CHRDL1: variants seen among roughly 807,000 people sequenced by gnomAD.
CHRDL1 encodes chordin like 1, also known as chordin-like protein 1.
Under a neutral mutation model 40.9 loss-of-function variants are expected in CHRDL1, and 19 were observed. That is an observed-to-expected ratio of 0.46 (90% CI 0.32 to 0.68). The LOEUF (loss-of-function observed/expected upper bound fraction) is 0.68, where lower values mean the gene tolerates loss of function less well. Among genes scored for constraint, CHRDL1 ranks in the 30% least tolerant of loss-of-function variants. The probability of loss-of-function intolerance (pLI) is 0.03; values close to 1 mark genes in which losing one functional copy is unlikely to be tolerated. For missense variants in CHRDL1, 329 were observed against 352.1 expected, an observed-to-expected ratio of 0.93 and a Z score of 0.53; for synonymous variants, 136 against 123.4, an observed-to-expected ratio of 1.10 and a Z score of -0.68.
At chrX:110,739,088 C>A (rs1328008930) in intron 4 of CHRDL1, among the ~76,000 whole-genome samples, 9 of 111,924 alleles carry the variant, frequency 8.0e-5, no homozygotes, top group Non-Finnish European at 1.5e-4. Flanking sequence ...TAAGGACTGG[C>A]AAAATTGCAT....
At chrX:110,791,516 T>G (rs2090099946) in intron 2 of CHRDL1, among the ~76,000 whole-genome samples, 1 of 111,879 alleles carries the variant, frequency 8.9e-6, no homozygotes, top group Non-Finnish European at 1.9e-5. Flanking sequence ...AAATATTCCC[T>G]GGCTTTGCGG....
intron 6 of CHRDL1, among the ~76,000 whole-genome samples, chrX:110,705,173 T>C (rs773914507): frequency 5.6e-5 from 6 of 106,627 alleles, no homozygotes; most frequent in South Asian, 8.4e-4. Context: ...AGAATACTAA[T>C]ACCCTGTAAC....
chrX:110,791,682 CT>C (rs369324180), intron 2 of CHRDL1, among the ~76,000 whole-genome samples: 2 of 110,766 alleles, frequency 1.8e-5, no homozygotes, highest in African/African-American at 6.6e-5. Flanking sequence ...TTTTCTTTTT[CT>C]TTTTTTTTCT....
chrX:110,686,002 A>G (rs1319441769), intron 9 of CHRDL1, among the ~76,000 whole-genome samples: 2 of 105,847 alleles, frequency 1.9e-5, no homozygotes, highest in African/African-American at 7.0e-5. Context: ...CTCTCACTTC[A>G]GCCCTCAGCC....
intron 4 of CHRDL1, among the ~76,000 whole-genome samples, chrX:110,751,224 T>C (rs1345515962): frequency 8.9e-6 from 1 of 111,798 alleles, no homozygotes; most frequent in Non-Finnish European, 1.9e-5. Flanking sequence ...AGTACTAGTT[T>C]AGGGTCTTGT....
chrX:110,689,933 ATATATATC>A lies in CHRDL1; in HGVS notation c.779-1138_779-1131del, dbSNP rs1231750269. Among the ~76,000 whole-genome samples, 198 of 38,169 alleles carry A rather than the reference ATATATATC, an allele frequency of 5.2e-3. 16 individuals are homozygous for A. Among genetic ancestry groups the A allele is most frequent in the African/African-American group, 0.02 (97 of 4,815 alleles). 33.1% of individuals were successfully genotyped at this position (38,169 alleles called of 115,157 possible). On this transcript the variant is annotated intron_variant, in intron 8 of 11. Transcript: ENST00000372042. ...TATATCTATATATATCTATATATCTATATATATCTATATATCTATATATATCTATATAT... is the reference window on the plus strand; with the variant it reads ...TATATCTATATATATCTATATATCTATATATATCTATATATATCTATATAT...
At chrX:110,795,641 G>A (rs1244219778) in intron 1 of CHRDL1, 103 bp downstream of exon 1, 3 of 112,120 alleles carry the variant, frequency 2.7e-5, no homozygotes, top group Non-Finnish European at 3.8e-5. Flanking sequence ...GGGGCACCCT[G>A]GGGAAACTTC....
chrX:110,729,222 AGAC>A (rs774281266), intron 4 of CHRDL1, among the ~76,000 whole-genome samples: 8 of 112,279 alleles, frequency 7.1e-5, no homozygotes, highest in African/African-American at 2.6e-4. Flanking sequence ...ATGTGGATTC[AGAC>A]GACATTTTCC....
At chrX:110,731,215 A>G (rs1679852) in intron 4 of CHRDL1, among the ~76,000 whole-genome samples, 12,383 of 111,124 alleles carry the variant, frequency 0.11, 1,707 homozygotes, top group African/African-American at 0.39. Context: ...AGTGATGAAT[A>G]CACAAGACTG....
At chrX:110,735,725 C>T (rs751670045) in intron 4 of CHRDL1, among the ~76,000 whole-genome samples, 23 of 112,367 alleles carry the variant, frequency 2.0e-4, no homozygotes, top group African/African-American at 6.5e-4. Context: ...CCTGGAGACA[C>T]AAAGAAGTCA....
intron 4 of CHRDL1, among the ~76,000 whole-genome samples, chrX:110,752,656 T>C (rs2089380118): frequency 9.0e-6 from 1 of 111,100 alleles, no homozygotes; most frequent in African/African-American, 3.3e-5. Context: ...CATATATATA[T>C]ATATGTAATT....
chrX:110,676,646 C>A lies in CHRDL1; in HGVS notation c.1247-285G>T, dbSNP rs56770900. Among the ~76,000 whole-genome samples, 63 of 111,183 alleles carry A rather than the reference C, an allele frequency of 5.7e-4. No individual in the cohort carries two copies. In the Admixed American group the frequency reaches 6.0e-3, roughly 11 times the overall value. ...TCAAGAGCAAAACCTAAGTGTTATT[C>A]TTGGAATTTTTACAGTATATTTAGC... On this transcript the variant is annotated intron_variant, in intron 11 of 11. Coordinates refer to ENST00000372042, the MANE Select transcript of CHRDL1 (RefSeq NM_001143981.2).
chrX:110,702,506 CTAA>C (rs1200820609), intron 6 of CHRDL1, among the ~76,000 whole-genome samples: 1 of 111,718 alleles, frequency 9.0e-6, no homozygotes, highest in Non-Finnish European at 1.9e-5. Context: ...CATTCAGAGT[CTAA>C]TAATGAGTTT....
intron 4 of CHRDL1, among the ~76,000 whole-genome samples, chrX:110,744,660 A>G (rs1480975582): frequency 9.0e-6 from 1 of 111,272 alleles, no homozygotes; most frequent in African/African-American, 3.3e-5. Flanking sequence ...ACATGCTGAA[A>G]AATTATATTA....
chrX:110,728,952 T>G (rs780734270), intron 4 of CHRDL1, among the ~76,000 whole-genome samples: 1 of 111,815 alleles, frequency 8.9e-6, no homozygotes. Flanking sequence ...CTAGTCAACA[T>G]GGTGAAACCC....
At chrX:110,723,653 A>C (rs912882578) in intron 4 of CHRDL1, among the ~76,000 whole-genome samples, 3 of 111,834 alleles carry the variant, frequency 2.7e-5, no homozygotes, top group Non-Finnish European at 3.8e-5. Context: ...TAAGGAAGGG[A>C]CCATTTAATT....
In CHRDL1 at chrX:110,674,047, T is replaced by A. The variant is rs2069722433; in HGVS notation, c.*2184A>T. The A allele has an allele frequency of 8.9e-6, 1 of 111,944 alleles. No individual in the cohort carries two copies. Among genetic ancestry groups the A allele is most frequent in the African/African-American group, 3.2e-5 (1 of 30,794 alleles). The allele number at this position is 111,944 out of a possible 1,213,427, so 9.2% of individuals were successfully genotyped here. ...GCTAAATGATGCTTATGGTCTTTGTTGTTCCAAGTGTTTATGATACAAATA... is the reference window on the plus strand; with the variant it reads ...GCTAAATGATGCTTATGGTCTTTGTAGTTCCAAGTGTTTATGATACAAATA... On this transcript the variant is annotated 3_prime_UTR_variant, in exon 12 of 12. Coordinates refer to ENST00000372042, the MANE Select transcript of CHRDL1 (RefSeq NM_001143981.2).
intron 6 of CHRDL1, among the ~76,000 whole-genome samples, chrX:110,711,360 A>G (rs889542176): frequency 8.9e-6 from 1 of 111,867 alleles, no homozygotes; most frequent in East Asian, 2.8e-4. Flanking sequence ...TAAGTATACA[A>G]TACTATATGG....
chrX:110,755,769 C>A (rs546390789), intron 4 of CHRDL1, among the ~76,000 whole-genome samples: 3 of 111,480 alleles, frequency 2.7e-5, no homozygotes, highest in African/African-American at 9.8e-5. Context: ...AAACCAGAGC[C>A]CTTTTCTTTG....
Sources: allele counts gnomAD v4.1 joint callset (sites outside exome capture counted in the v4.1 genomes callset), GRCh38; gene constraint gnomAD v4.1.1; transcripts MANE v1.5; gene names NCBI Gene and HGNC (gene_info 2026-07-23, HGNC 2026-07-21).